The following FARP2 variants were observed in gnomAD, a reference collection of about 807,000 sequenced individuals.
FARP2 encodes the protein FERM, ARHGEF and pleckstrin domain-containing protein 2.
In FARP2, 111 loss-of-function variants were observed where a neutral mutation model predicts 130.5. The observed-to-expected ratio is 0.85, with a 90% CI of 0.73 to 1.00. The LOEUF is 1.00. FARP2 is among the 50% of genes least tolerant of loss of function. FARP2 has a pLI of 0.00. For missense variants in FARP2, 1,385 were observed against 1,346.3 expected (o/e 1.03, Z -0.45); for synonymous variants, 504 against 516.9 (o/e 0.98, Z 0.34).
chr2:241,427,907 G>C (rs1234691356), intron 8 of FARP2, among the ~76,000 whole-genome samples: 4 of 152,048 alleles, frequency 2.6e-5, no homozygotes, highest in Middle Eastern at 3.4e-3. Context: ...CTGGGACTTA[G>C]AGGCGCCTGC....
chr2:241,463,716 G>C, intron 16 of FARP2, 183 bp from the exon 17 acceptor site: 1 of 679,828 alleles, frequency 1.5e-6, no homozygotes, highest in Non-Finnish European at 2.5e-6. Flanking sequence ...CTGTTTTAGA[G>C]AATGGCCAGA....
In FARP2 at chr2:241,420,926, C is replaced by G. The variant is rs569593090; in HGVS notation, c.771+2817C>G. Among the ~76,000 whole-genome samples, 13 of 152,236 alleles carry G rather than the reference C, an allele frequency of 8.5e-5. No individual in the cohort carries two copies. In the South Asian group the frequency reaches 1.4e-3, roughly 17 times the overall value. On this transcript the variant is annotated intron_variant, in intron 8 of 26. Coordinates refer to ENST00000264042, the MANE Select transcript of FARP2 (RefSeq NM_014808.4). The stretch of plus-strand genomic sequence containing the variant: ...AAGCAACTGAGGTTCACACCACTCA[C>G]GAAGAGGAAAGAAAAGGGGTGAGTG...
At chr2:241,473,428 A>C (rs1488898727) in intron 18 of FARP2, among the ~76,000 whole-genome samples, 1 of 151,886 alleles carries the variant, frequency 6.6e-6, no homozygotes, top group African/African-American at 2.4e-5. Flanking sequence ...TGCAGGGGGC[A>C]CTACTCTGTG....
intron 8 of FARP2, among the ~76,000 whole-genome samples, chr2:241,419,052 T>C (rs966882667): frequency 6.6e-6 from 1 of 152,238 alleles, no homozygotes; most frequent in African/African-American, 2.4e-5. Context: ...CTTTGTGGGC[T>C]CTTTTAACCT....
At chr2:241,456,375 C>G (rs879478006) in intron 13 of FARP2, 1 of 169,508 alleles carries the variant, frequency 5.9e-6, no homozygotes, top group African/African-American at 2.4e-5. Context: ...AGTGTTCCCC[C>G]GTCCTGGTGG....
At chr2:241,418,484 C>T (rs74694192) in intron 8 of FARP2, among the ~76,000 whole-genome samples, 1 of 145,728 alleles carries the variant, frequency 6.9e-6, no homozygotes, top group Non-Finnish European at 1.5e-5. Flanking sequence ...GTTTTTTTTC[C>T]AGTGGAGCAG....
At chr2:241,466,489 C>T (rs2064172330) in intron 17 of FARP2, 1 of 985,336 alleles carries the variant, frequency 1.0e-6, no homozygotes, top group African/African-American at 1.7e-5. Context: ...AACCCTGTCC[C>T]TTGGCCCGGC....
At chr2:241,468,468 T>G (rs1419835100) in intron 18 of FARP2, 91 bp downstream of exon 18, 19 of 940,642 alleles carry the variant, frequency 2.0e-5, no homozygotes, top group Non-Finnish European at 3.1e-5. Context: ...CTTCCTTCAC[T>G]GGGAAGCGCA....
Position 241,463,995 on chromosome 2 carries a change from G to T in FARP2, c.1893+15G>T. ...GCCAGTTAAAGGTAGGCTGCATGGTGACTACTGCCTACATGAATGCTGTTT... is the reference window on the plus strand; with the variant it reads ...GCCAGTTAAAGGTAGGCTGCATGGTTACTACTGCCTACATGAATGCTGTTT... On this transcript the variant is annotated intron_variant, in intron 17 of 26. Coordinates refer to ENST00000264042, the MANE Select transcript of FARP2 (RefSeq NM_014808.4). 6.2e-7 allele frequency: 1 copy of T among 1,605,064 alleles called. No individual in the cohort carries two copies. Among genetic ancestry groups the T allele is most frequent in the South Asian group, 1.1e-5 (1 of 90,634 alleles).
chr2:241,368,824 A>C (rs940600751), intron 1 of FARP2, among the ~76,000 whole-genome samples: 5 of 152,182 alleles, frequency 3.3e-5, no homozygotes, highest in African/African-American at 1.2e-4. Flanking sequence ...TTAAAGTCTT[A>C]AACTTAAGTC....
intron 13 of FARP2, among the ~76,000 whole-genome samples, chr2:241,450,293 G>C (rs919594500): frequency 6.6e-6 from 1 of 151,968 alleles, no homozygotes; most frequent in East Asian, 1.9e-4. Context: ...TGGAGGTCAA[G>C]GCAAAGCTGC....
Position 241,482,318 on chromosome 2 carries a change from C to T in FARP2, c.2263-1147C>T, listed in dbSNP as rs2064636166. On this transcript the variant is annotated intron_variant, in intron 19 of 26. Coordinates refer to ENST00000264042, the MANE Select transcript of FARP2 (RefSeq NM_014808.4). This position sits in a 1 kb window ranked among gnomAD's most constrained non-coding sequence, Gnocchi z 4.6. ...GCCCCGTGGGTCTGGGACGCACATC[C>T]TGTGAGGGAGCTCTGGAGAGGGGGC... Among the ~76,000 whole-genome samples, 1 of 152,188 alleles carries T rather than the reference C, an allele frequency of 6.6e-6. No homozygotes were observed. The highest frequency in any genetic ancestry group is 2.4e-5 in the African/African-American group (1 of 41,456).
Position 241,431,665 on chromosome 2 carries a change from C to T in FARP2, c.772-14C>T. The T allele has an allele frequency of 7.3e-7, 1 of 1,378,236 alleles. No individual in the cohort carries two copies. Among genetic ancestry groups the T allele is most frequent in the South Asian group, 1.2e-5 (1 of 84,018 alleles). The allele number at this position is 1,378,236 out of a possible 1,614,324, so 85.4% of individuals were successfully genotyped here. A position where few individuals can be genotyped will look rare whatever the true frequency, so the allele number is the denominator to read the frequency against. On this transcript the variant is annotated splice_polypyrimidine_tract_variant and intron_variant, in intron 8 of 26. Coordinates refer to ENST00000264042, the MANE Select transcript of FARP2 (RefSeq NM_014808.4). Reference sequence around the variant, plus strand: ...CCAGATACAAATGTAATCTGTCTGTCTCTTGCATTTCAGGGCACCACCAAA... The same window carrying T: ...CCAGATACAAATGTAATCTGTCTGTTTCTTGCATTTCAGGGCACCACCAAA...
chr2:241,366,102 AAAATATATATATATATATACGT>A (rs2061300188), intron 1 of FARP2, among the ~76,000 whole-genome samples: 1 of 34,774 alleles, frequency 2.9e-5, no homozygotes, highest in African/African-American at 8.1e-5. Context: ...TAAAAAAAAA[AAAATATATATATATATATACGT>A]ATATATATAT....
intron 8 of FARP2, among the ~76,000 whole-genome samples, chr2:241,421,830 C>A (rs2062816259): frequency 6.6e-6 from 1 of 152,140 alleles, no homozygotes; most frequent in Non-Finnish European, 1.5e-5. Context: ...TGGAGCAACT[C>A]CCAGCAAACT....
chr2:241,491,796 A>C, intron 24 of FARP2, 117 bp downstream of exon 24: 1 of 919,978 alleles, frequency 1.1e-6, no homozygotes, highest in Non-Finnish European at 1.6e-6. Flanking sequence ...GCCCCAGAGG[A>C]CTGCCTCTTA....
At chr2:241,441,088 T>C (rs2063370906) in intron 12 of FARP2, among the ~76,000 whole-genome samples, 1 of 152,150 alleles carries the variant, frequency 6.6e-6, no homozygotes, top group African/African-American at 2.4e-5. Context: ...AAAATGGAAT[T>C]GTAAGGGTTT....
intron 1 of FARP2, among the ~76,000 whole-genome samples, chr2:241,359,359 G>C (rs2150274578): frequency 6.6e-6 from 1 of 152,266 alleles, no homozygotes; most frequent in East Asian, 1.9e-4. Context: ...CCATCCTCCT[G>C]ATTGCTTCCC....
intron 1 of FARP2, among the ~76,000 whole-genome samples, chr2:241,368,729 C>CCT (rs1413573072): frequency 1.3e-5 from 2 of 152,082 alleles, no homozygotes; most frequent in Non-Finnish European, 2.9e-5. Flanking sequence ...ACCTCAGTCT[C>CCT]CTGAGTAGCT....
Sources: allele counts gnomAD v4.1 joint callset (sites outside exome capture counted in the v4.1 genomes callset), GRCh38; gene constraint gnomAD v4.1.1; non-coding constraint Gnocchi (gnomAD v3.1); transcripts MANE v1.5; gene names NCBI Gene and HGNC (gene_info 2026-07-23, HGNC 2026-07-21).